Variants in USP7 observed in about 807,000 individuals in gnomAD.
The protein encoded by USP7 is ubiquitin specific peptidase 7.
In USP7, 9 loss-of-function variants were observed where a neutral mutation model predicts 162.9. The observed-to-expected ratio is 0.06, with a 90% CI of 0.03 to 0.10. USP7 has a LOEUF of 0.10. Among genes scored for constraint, USP7 ranks in the 10% least tolerant of loss-of-function variants. USP7 has a pLI of 1.00. For synonymous variants in USP7, 562 were observed against 475.9 expected (o/e 1.18, Z -2.35); for missense variants, 715 against 1,373.7 (o/e 0.52, Z 7.58).
At chr16:8,925,556 A>C (rs1475399790) in intron 2 of USP7, among the ~76,000 whole-genome samples, 1 of 152,222 alleles carries the variant, frequency 6.6e-6, no homozygotes, top group African/African-American at 2.4e-5. Context: ...GGTACTCCTT[A>C]AACATTAAAA....
intron 14 of USP7, 96 bp downstream of exon 14, chr16:8,905,090 TA>T: frequency 6.8e-7 from 1 of 1,470,068 alleles, no homozygotes; most frequent in Non-Finnish European, 9.4e-7. Context: ...GGAATAAGCA[TA>T]AAATGTGTTT....
chr16:8,919,206 G>C, intron 5 of USP7, 67 bp from the exon 6 acceptor site: 1 of 1,518,972 alleles, frequency 6.6e-7, no homozygotes, highest in Non-Finnish European at 9.1e-7. Flanking sequence ...TGTGTGTGAA[G>C]CAATCTGACT....
At chr16:8,937,622 A>G (rs1309982250) in intron 1 of USP7, among the ~76,000 whole-genome samples, 2 of 152,174 alleles carry the variant, frequency 1.3e-5, no homozygotes, top group Admixed American at 6.5e-5. Context: ...TAAAGGCTGC[A>G]GTGAGCAAGG....
intron 13 of USP7, 100 bp downstream of exon 13, chr16:8,906,326 G>A: frequency 1.4e-6 from 2 of 1,383,420 alleles, no homozygotes; most frequent in South Asian, 1.5e-5. Flanking sequence ...TCAGTTAGGG[G>A]TCCCTGACAA....
chr16:8,953,003 T>C (rs1346927941), intron 1 of USP7, among the ~76,000 whole-genome samples: 1 of 152,050 alleles, frequency 6.6e-6, no homozygotes, highest in Non-Finnish European at 1.5e-5. Flanking sequence ...TGCCAGGCTA[T>C]TTTTTGTATT....
chr16:8,946,980 G>C (rs1040969533), intron 1 of USP7, among the ~76,000 whole-genome samples: 4 of 152,204 alleles, frequency 2.6e-5, no homozygotes, highest in African/African-American at 9.7e-5. Context: ...ACGAACTTAA[G>C]GTAATGGGGC....
intron 1 of USP7, among the ~76,000 whole-genome samples, chr16:8,954,581 G>A (rs534763844): frequency 1.4e-4 from 21 of 152,314 alleles, no homozygotes; most frequent in African/African-American, 4.8e-4. Flanking sequence ...TAAGTTTATA[G>A]GATGTATTCT....
At chr16:8,897,200 C>G (rs1291933239) in intron 25 of USP7, 101 bp from the exon 26 acceptor site, 1 of 860,514 alleles carries the variant, frequency 1.2e-6, no homozygotes, top group East Asian at 2.4e-5. Context: ...TCTCAACTGT[C>G]CCCAGCTGGC....
At chr16:8,920,566 A>G in intron 4 of USP7, 119 bp from the exon 5 acceptor site, 1 of 823,150 alleles carries the variant, frequency 1.2e-6, no homozygotes, top group East Asian at 2.8e-5. Flanking sequence ...TTTTAAATAC[A>G]TCCCAACTTT....
intron 1 of USP7, among the ~76,000 whole-genome samples, chr16:8,951,476 G>C (rs757817893): frequency 6.6e-6 from 1 of 151,990 alleles, no homozygotes; most frequent in African/African-American, 2.4e-5. Context: ...CACCCACCTC[G>C]CCCTGAGCCA....
At position 8,963,671 on chromosome 16, in the gene USP7, C is replaced by A. The variant is rs1900114406; in HGVS notation, c.-386G>T. On this transcript the variant is annotated 5_prime_UTR_variant, in exon 1 of 31. Transcript: ENST00000344836. ...GGGCGGAGGGCGGCCGGTCGGGGGC[C>A]GCGGAGTCAGCCCCGCCTCGGGCCG... Among the ~76,000 whole-genome samples the A allele has an allele frequency of 7.0e-6, 1 of 141,954 alleles. No individual in the cohort carries two copies. The highest frequency in any genetic ancestry group is 2.2e-4 in the East Asian group (1 of 4,570). The allele number at this position is 141,954 out of a possible 152,430, so 93.1% of individuals were successfully genotyped here.
chr16:8,896,953 G>A (rs779756366), intron 26 of USP7, 46 bp downstream of exon 26: 1 of 1,457,920 alleles, frequency 6.9e-7, no homozygotes, highest in Admixed American at 1.7e-5. Flanking sequence ...AGCGTTAACT[G>A]CCACCCCTAA....
At chr16:8,939,041 T>C (rs1036040768) in intron 1 of USP7, among the ~76,000 whole-genome samples, 1 of 152,134 alleles carries the variant, frequency 6.6e-6, no homozygotes, top group Non-Finnish European at 1.5e-5. Flanking sequence ...AGCACCACTT[T>C]GCAAAACTAC....
chr16:8,926,253 G>A (rs572669332), intron 2 of USP7, among the ~76,000 whole-genome samples: 5 of 152,222 alleles, frequency 3.3e-5, no homozygotes, highest in South Asian at 2.1e-4. Flanking sequence ...AGAGGCGGGC[G>A]GATAACCTGA....
intron 5 of USP7, 99 bp from the exon 6 acceptor site, chr16:8,919,238 C>A: frequency 8.5e-7 from 1 of 1,174,438 alleles, no homozygotes; most frequent in East Asian, 2.4e-5. Context: ...TTAAGGAAAC[C>A]GAGGCCAGGA....
rs201855673 is a variant in USP7 at position 8,903,323 on chromosome 16, T to C, written c.1784A>G (p.Lys595Arg). Residue 595 changes from lysine (K) to arginine (R), a missense_variant, in exon 16 of 31, where the codon AAA becomes AGA. By Grantham distance (26) the Lys-to-Arg change is conservative (BLOSUM62 2). This residue lies in a region of USP7 where 197 missense variants were observed against 306.5 expected (regional missense o/e 0.64). Transcript: ENST00000344836. ...DEEKVKYTVF[K>R]VLKNSSLAEF... The stretch of plus-strand genomic sequence containing the variant: ...AGCAAGCGAGGAGTTCTTCAATACT[T>C]TGAACACAGTGTATTTCACTTTTTC... The C allele has an allele frequency of 4.1e-5, 66 of 1,614,142 alleles. No individual in the cohort carries two copies. The African/African-American group carries it at 8.0e-4, about 20-fold the overall frequency.
intron 6 of USP7, 107 bp from the exon 7 acceptor site, chr16:8,917,263 C>A (rs1567222420): frequency 8.9e-6 from 12 of 1,349,700 alleles, no homozygotes; most frequent in Admixed American, 2.7e-5. Flanking sequence ...TCTAATAACA[C>A]AATGGCTAAG....
chr16:8,914,005 TGAAATTACAGGCATGAGCGACCACA>T, intron 10 of USP7, among the ~76,000 whole-genome samples: 1 of 152,022 alleles, frequency 6.6e-6, no homozygotes, highest in Non-Finnish European at 1.5e-5. Flanking sequence ...CCCAAAGTGC[TGAAATTACAGGCATGAGCGACCACA>T]CCCATCCTCC....
At position 8,948,173 on chromosome 16, in the gene USP7, G is replaced by C. The variant is rs556519078; in HGVS notation, c.79+15034C>G. On this transcript the variant is annotated intron_variant, in intron 1 of 30. Transcript: ENST00000344836. ...CCCTGCATCCCTTTCCCACAGTTCC[G>C]CTCCCCTGATGGAACCCTCAACTGA... 2.0e-5 allele frequency among the ~76,000 whole-genome samples: 3 copies of C among 152,178 alleles called. No homozygotes were observed. In the South Asian group the frequency reaches 6.2e-4, roughly 32 times the overall value.
Sources: gnomAD v4.1 joint callset for allele counts (sites outside exome capture counted in the v4.1 genomes callset) on GRCh38, gnomAD v4.1.1 for gene constraint, gnomAD v4.1.1 regional missense constraint, MANE v1.5 for transcripts, NCBI Gene and HGNC (gene_info 2026-07-23, HGNC 2026-07-21) for gene names.